The following MRAP2 variants were observed in gnomAD, a reference collection of about 807,000 sequenced individuals.
MRAP2 encodes the protein melanocortin 2 receptor accessory protein 2, also known as melanocortin-2 receptor accessory protein 2.
MRAP2 carries 20 observed loss-of-function variants against 17.4 expected under a neutral mutation model. The ratio of observed to expected loss-of-function variants is 1.15; its 90% confidence interval spans 0.81 to 1.67. MRAP2 has a LOEUF of 1.67. Ranked by LOEUF, MRAP2 falls within the 40% of genes most tolerant of loss-of-function variation. The pLI, the probability that MRAP2 is intolerant of heterozygous loss-of-function variation, is 0.00. For synonymous variants in MRAP2, 96 were observed against 88.4 expected, an observed-to-expected ratio of 1.09 and a Z score of -0.48; for missense variants, 238 against 240.0, an observed-to-expected ratio of 0.99 and a Z score of 0.05.
chr6:84,034,603 G>A (rs1453663594), intron 1 of MRAP2, among the ~76,000 whole-genome samples: 2 of 151,422 alleles, frequency 1.3e-5, no homozygotes, highest in East Asian at 2.0e-4. Context: ...GTTTGGAGGC[G>A]TTGTGGTTTC....
intron 3 of MRAP2, among the ~76,000 whole-genome samples, chr6:84,080,999 A>G (rs2099498820): frequency 6.6e-6 from 1 of 152,228 alleles, no homozygotes; most frequent in Non-Finnish European, 1.5e-5. Context: ...TTACTTAAAC[A>G]ATAGATAATA....
the MRAP2 span, among the ~76,000 whole-genome samples, chr6:84,117,159 A>G: frequency 6.6e-6 from 1 of 152,032 alleles, no homozygotes; most frequent in Non-Finnish European, 1.5e-5. Context: ...AGTAGCTGGT[A>G]TTACAGGAGA....
the MRAP2 span, among the ~76,000 whole-genome samples, chr6:84,127,773 TG>T: frequency 6.6e-6 from 1 of 152,076 alleles, no homozygotes; most frequent in African/African-American, 2.4e-5. Context: ...GTTTTCTGAA[TG>T]AAACAGTCAA....
At chr6:84,083,983 A>T (rs778374442) in intron 3 of MRAP2, among the ~76,000 whole-genome samples, 1 of 152,186 alleles carries the variant, frequency 6.6e-6, no homozygotes, top group Non-Finnish European at 1.5e-5. Context: ...ACCTGTTCAC[A>T]TGGCTAATGT....
rs1019086070 is a variant in MRAP2, at chr6:84,090,382, A to G, written c.*901A>G. On this transcript the variant is annotated 3_prime_UTR_variant, in exon 4 of 4. Transcript: ENST00000257776. The stretch of plus-strand genomic sequence containing the variant: ...GTTGTGCTGAAACAGCTCTTCTGAG[A>G]ACTTCCAACCACCCATGCTCTAACC... 1 of 152,160 alleles carries G rather than the reference A, an allele frequency of 6.6e-6. No individual in the cohort carries two copies. The highest frequency in any genetic ancestry group is 1.5e-5 in the Non-Finnish European group (1 of 68,078). The allele number at this position is 152,160 out of a possible 1,614,324, so 9.4% of individuals were successfully genotyped here.
At chr6:84,033,640 G>A (rs1472453148), upstream of MRAP2, 2 of 975,400 alleles carry the variant, frequency 2.1e-6, no homozygotes, top group Non-Finnish European at 2.4e-6. Flanking sequence ...TGGCCAAGGC[G>A]GCCTCGCGCT....
chr6:84,090,287 G>A lies in MRAP2; in HGVS notation c.*806G>A, dbSNP rs1353651467. ...CTAATTGAGCCAAGCTTTAGTCAGG[G>A]GATCTGGTTGTCTACCAGAATGTCA... On this transcript the variant is annotated 3_prime_UTR_variant, in exon 4 of 4. Transcript: ENST00000257776. 1 of 152,106 alleles carries A rather than the reference G, an allele frequency of 6.6e-6. No individual in the cohort carries two copies. The highest frequency in any genetic ancestry group is 1.5e-5 in the Non-Finnish European group (1 of 68,036). The allele number at this position is 152,106 out of a possible 1,614,324, so 9.4% of individuals were successfully genotyped here.
the MRAP2 span, among the ~76,000 whole-genome samples, chr6:84,120,801 A>G: frequency 3.9e-5 from 6 of 152,160 alleles, no homozygotes; most frequent in Admixed American, 1.3e-4. Context: ...ATAAAAATAC[A>G]CAAAACACAC....
chr6:84,122,708 C>T, the MRAP2 span, among the ~76,000 whole-genome samples: 1 of 152,078 alleles, frequency 6.6e-6, no homozygotes, highest in Non-Finnish European at 1.5e-5. Flanking sequence ...CTATTCAATA[C>T]AGTATTGGCA....
the MRAP2 span, among the ~76,000 whole-genome samples, chr6:84,116,639 C>G: frequency 2.0e-5 from 3 of 152,104 alleles, no homozygotes; most frequent in African/African-American, 7.2e-5. Flanking sequence ...TCATTTATGG[C>G]TCTTATTATT....
chr6:84,125,529 A>C, the MRAP2 span, among the ~76,000 whole-genome samples: 13 of 152,270 alleles, frequency 8.5e-5, no homozygotes, highest in East Asian at 2.5e-3. Flanking sequence ...ATGTGGAGTA[A>C]GGAAATAATG....
the MRAP2 span, among the ~76,000 whole-genome samples, chr6:84,132,219 T>A: frequency 3.3e-5 from 5 of 152,348 alleles, no homozygotes; most frequent in Middle Eastern, 3.4e-3. Flanking sequence ...CTGCTGTTAG[T>A]CTGATGGGCT....
chr6:84,052,875 T>G, intron 1 of MRAP2: 12 of 772,188 alleles, frequency 1.6e-5, no homozygotes, highest in Non-Finnish European at 1.7e-5. Context: ...CATGTAGCTT[T>G]CATTACCCTT....
In MRAP2 at chr6:84,033,843, C is replaced by T. The variant is rs1178437275; in HGVS notation, c.-48C>T. 1 of 987,240 alleles carries T rather than the reference C, an allele frequency of 1.0e-6. No homozygotes were observed. Among genetic ancestry groups the T allele is most frequent in the Non-Finnish European group, 1.2e-6 (1 of 831,156 alleles). 61.2% of individuals were successfully genotyped at this position (987,240 alleles called of 1,614,324 possible). On this transcript the variant is annotated 5_prime_UTR_variant, in exon 1 of 4. Coordinates refer to ENST00000257776, the MANE Select transcript of MRAP2 (RefSeq NM_138409.4). ...CGCGCACCTCGGAGGAGCCAGGAGC[C>T]GGAACCAGGGCCGAGCCCGCGGGCC...
chr6:84,091,959 C>A (rs9449781), downstream of MRAP2, among the ~76,000 whole-genome samples: 50,995 of 152,096 alleles, frequency 0.34, 11,603 homozygotes, highest in African/African-American at 0.65. Flanking sequence ...TTATTCTCTT[C>A]CAGTTCTAGA....
chr6:84,146,126 T>C, the MRAP2 span, among the ~76,000 whole-genome samples: 2 of 152,108 alleles, frequency 1.3e-5, no homozygotes, highest in African/African-American at 4.8e-5. Context: ...TGTTTTCCTC[T>C]TCCTTTGCCA....
chr6:84,044,893 A>T lies in MRAP2; in HGVS notation c.-7-10419A>T, dbSNP rs111936737. Among the ~76,000 whole-genome samples the T allele has an allele frequency of 6.4e-3, 980 of 152,340 alleles. 17 individuals carry two copies. The highest frequency in any genetic ancestry group is 0.022 in the African/African-American group (917 of 41,572). ...CATCCATGGATTTAGCCAATTGTGGATGGAAAATATTTAAACAAGAAAAGG... is the reference window on the plus strand; with the variant it reads ...CATCCATGGATTTAGCCAATTGTGGTTGGAAAATATTTAAACAAGAAAAGG... On this transcript the variant is annotated intron_variant, in intron 1 of 3. Transcript: ENST00000257776.
At chr6:84,063,220 T>C (rs2099493639) in intron 3 of MRAP2, 1 of 985,456 alleles carries the variant, frequency 1.0e-6, no homozygotes, top group Non-Finnish European at 1.2e-6. Context: ...ATTGGGTTTC[T>C]TGGTCCTTTC....
intron 1 of MRAP2, chr6:84,045,327 C>A: frequency 1.0e-6 from 1 of 985,362 alleles, no homozygotes; most frequent in Non-Finnish European, 1.2e-6. Flanking sequence ...GGGCAGAGAT[C>A]CAAATCTGCA....
Sources: allele counts gnomAD v4.1 joint callset (sites outside exome capture counted in the v4.1 genomes callset), GRCh38; gene constraint gnomAD v4.1.1; transcripts MANE v1.5; gene names NCBI Gene and HGNC (gene_info 2026-07-23, HGNC 2026-07-21).